Variants in RETREG1 observed in about 807,000 individuals in gnomAD.
RETREG1 encodes reticulophagy regulator 1.
Under a neutral mutation model 54.8 loss-of-function variants are expected in RETREG1, and 44 were observed. The ratio of observed to expected loss-of-function variants is 0.80; its 90% CI spans 0.63 to 1.03. The LOEUF (loss-of-function observed/expected upper bound fraction) is 1.03, where lower values mean the gene tolerates loss of function less well. RETREG1 is among the 50% of genes least tolerant of loss of function. The pLI is 0.00. For missense variants in RETREG1, 554 were observed against 605.1 expected, an observed-to-expected ratio of 0.92 and a Z score of 0.89; for synonymous variants, 217 against 238.5, an observed-to-expected ratio of 0.91 and a Z score of 0.83.
chr5:16,562,988 G>A (rs903492042), intron 3 of RETREG1, among the ~76,000 whole-genome samples: 3 of 152,066 alleles, frequency 2.0e-5, no homozygotes, highest in Non-Finnish European at 4.4e-5. Flanking sequence ...ATGGGGGGAT[G>A]GGGGGGACTG....
chr5:16,545,662 G>A (rs1741366333), intron 3 of RETREG1, among the ~76,000 whole-genome samples: 1 of 152,090 alleles, frequency 6.6e-6, no homozygotes, highest in Non-Finnish European at 1.5e-5. Flanking sequence ...AGCTTCCTTT[G>A]ATTCCTAGGA....
At chr5:16,616,325 A>G (rs952435468) in intron 1 of RETREG1, 2 of 329,576 alleles carry the variant, frequency 6.1e-6, no homozygotes, top group Non-Finnish European at 1.1e-5. Context: ...GCAGGTCAAG[A>G]CCTCAGAGTT....
chr5:16,538,999 A>C (rs1049908798), intron 3 of RETREG1, among the ~76,000 whole-genome samples: 6 of 152,206 alleles, frequency 3.9e-5, no homozygotes, highest in African/African-American at 1.4e-4. Flanking sequence ...ATTCAAAATA[A>C]AACTGAGGCT....
chr5:16,607,310 G>C (rs2126369979), intron 1 of RETREG1, among the ~76,000 whole-genome samples: 1 of 152,172 alleles, frequency 6.6e-6, no homozygotes, highest in East Asian at 1.9e-4. Flanking sequence ...ACCAAGAACA[G>C]TGTCAGCATA....
At chr5:16,604,752 C>T (rs1242738949) in intron 1 of RETREG1, among the ~76,000 whole-genome samples, 2 of 152,154 alleles carry the variant, frequency 1.3e-5, no homozygotes, top group Non-Finnish European at 2.9e-5. Flanking sequence ...TTAGGTATTG[C>T]CTTTTTCATC....
chr5:16,536,868 GA>G (rs1741088313), intron 3 of RETREG1, among the ~76,000 whole-genome samples: 1 of 152,204 alleles, frequency 6.6e-6, no homozygotes, highest in African/African-American at 2.4e-5. Context: ...GGAGCTGCCA[GA>G]GATGAGTTCT....
chr5:16,600,705 GGAA>G (rs1418893543), intron 1 of RETREG1, among the ~76,000 whole-genome samples: 1 of 152,178 alleles, frequency 6.6e-6, no homozygotes, highest in Admixed American at 6.5e-5. Context: ...CTGTGAAACA[GGAA>G]GAGGAAATCT....
At chr5:16,576,522 G>C (rs1280498807) in intron 1 of RETREG1, among the ~76,000 whole-genome samples, 7 of 150,900 alleles carry the variant, frequency 4.6e-5, no homozygotes, top group Non-Finnish European at 1.0e-4. Context: ...TTTCGCTCTT[G>C]TTGCCCAGGC....
chr5:16,573,742 G>GTTTTTTTTTTTTT (rs34651832), intron 1 of RETREG1, among the ~76,000 whole-genome samples: 2 of 126,534 alleles, frequency 1.6e-5, no homozygotes, highest in Admixed American at 9.0e-5. Flanking sequence ...TTTGTTTTTT[G>GTTTTTTTTTTTTT]TTTTTTTTTT....
intron 3 of RETREG1, among the ~76,000 whole-genome samples, chr5:16,564,763 C>T (rs370275294): frequency 6.6e-6 from 1 of 152,142 alleles, no homozygotes; most frequent in Non-Finnish European, 1.5e-5. Context: ...CTGCATCCTG[C>T]CCATGAAAAT....
intron 1 of RETREG1, among the ~76,000 whole-genome samples, chr5:16,602,182 C>A (rs1365811949): frequency 6.6e-6 from 1 of 152,122 alleles, no homozygotes; most frequent in Non-Finnish European, 1.5e-5. Context: ...AAATCAAGAA[C>A]TCGTGATAAA....
At chr5:16,517,058 G>C (rs188477500) in intron 3 of RETREG1, among the ~76,000 whole-genome samples, 1 of 150,460 alleles carries the variant, frequency 6.6e-6, no homozygotes, top group East Asian at 1.9e-4. Flanking sequence ...TAAGGAGCAT[G>C]GGAACGAGGA....
chr5:16,486,055 G>A, intron 3 of RETREG1, among the ~76,000 whole-genome samples: 1 of 151,874 alleles, frequency 6.6e-6, no homozygotes, highest in East Asian at 1.9e-4. Flanking sequence ...AGTTTTTTGG[G>A]ACAATAAATT....
chr5:16,547,466 C>A (rs1459981890), intron 3 of RETREG1, among the ~76,000 whole-genome samples: 1 of 152,200 alleles, frequency 6.6e-6, no homozygotes, highest in Non-Finnish European at 1.5e-5. Flanking sequence ...CCCGCAGAGC[C>A]TGGAACTGTT....
chr5:16,518,240 A>G (rs1437501803), intron 3 of RETREG1, among the ~76,000 whole-genome samples: 2 of 148,090 alleles, frequency 1.4e-5, no homozygotes, highest in East Asian at 1.9e-4. Context: ...TATATATTAT[A>G]TAAGTATATT....
chr5:16,536,589 T>C (rs1212187990), intron 3 of RETREG1, among the ~76,000 whole-genome samples: 1 of 151,966 alleles, frequency 6.6e-6, no homozygotes, highest in Non-Finnish European at 1.5e-5. Flanking sequence ...AGGACAAACA[T>C]GCCTCTCCCA....
intron 3 of RETREG1, among the ~76,000 whole-genome samples, chr5:16,505,834 T>G (rs939980362): frequency 6.6e-6 from 1 of 152,210 alleles, no homozygotes; most frequent in Non-Finnish European, 1.5e-5. Context: ...CTGCCCCCAT[T>G]GTTCTTTCCT....
intron 1 of RETREG1, 113 bp from the exon 2 acceptor site, chr5:16,572,215 T>C: frequency 4.6e-6 from 1 of 218,478 alleles, no homozygotes. Flanking sequence ...TGATTTCACT[T>C]TTTTTTTTTT....
At chr5:16,475,808 A>G (rs1247727308) in intron 8 of RETREG1, among the ~76,000 whole-genome samples, 1 of 152,160 alleles carries the variant, frequency 6.6e-6, no homozygotes, top group African/African-American at 2.4e-5. Flanking sequence ...GCTCTCTATA[A>G]CTATAGCTGA....
Sources: gnomAD v4.1 joint callset for allele counts (sites outside exome capture counted in the v4.1 genomes callset) on GRCh38, gnomAD v4.1.1 for gene constraint, MANE v1.5 for transcripts, NCBI Gene and HGNC (gene_info 2026-07-23, HGNC 2026-07-21) for gene names.